The following SUZ12 variants were observed in gnomAD, a reference collection of about 807,000 sequenced individuals.
SUZ12 encodes SUZ12 polycomb repressive complex 2 subunit.
Under a neutral mutation model 87.3 loss-of-function variants are expected in SUZ12, and 17 were observed. That is an observed-to-expected ratio of 0.19 (90% confidence interval 0.13 to 0.29). The LOEUF is 0.29. Among genes scored for constraint, SUZ12 ranks in the 10% least tolerant of loss-of-function variants. The pLI, the probability that SUZ12 is intolerant of heterozygous loss-of-function variation, is 1.00. For synonymous variants in SUZ12, 253 were observed against 312.4 expected (o/e 0.81, Z 2.01); for missense variants, 526 against 912.2 (o/e 0.58, Z 5.45).
At chr17:31,979,126 G>C (rs199934668) in intron 8 of SUZ12, among the ~76,000 whole-genome samples, 1 of 107,096 alleles carries the variant, frequency 9.3e-6, no homozygotes, top group Non-Finnish European at 2.0e-5. Context: ...AAAAAAAAAA[G>C]AATTCAAAAC....
chr17:31,972,788 G>A lies in SUZ12; in HGVS notation c.506-358G>A, dbSNP rs577933177. Among the ~76,000 whole-genome samples, 1,087 of 149,952 alleles carry A rather than the reference G, an allele frequency of 7.2e-3. 10 individuals are homozygous for A. Among genetic ancestry groups the A allele is most frequent in the African/African-American group, 0.026 (1,037 of 40,546 alleles). On this transcript the variant is annotated intron_variant, in intron 5 of 15. Coordinates refer to ENST00000322652, the MANE Select transcript of SUZ12 (RefSeq NM_015355.4). ...AATCCCAGGTACTCAGGAGGCTGCC[G>A]TGCTGATGTGTGAGGATCACTTGAT...
intron 4 of SUZ12, among the ~76,000 whole-genome samples, chr17:31,958,369 A>G (rs907269700): frequency 2.0e-5 from 3 of 152,178 alleles, no homozygotes; most frequent in African/African-American, 4.8e-5. Context: ...TATTGTATTA[A>G]TGATTTTTCC....
intron 8 of SUZ12, 137 bp downstream of exon 8, chr17:31,976,751 A>G (rs1258799010): frequency 1.5e-6 from 1 of 660,660 alleles, no homozygotes; most frequent in Non-Finnish European, 2.5e-6. Flanking sequence ...ACAAATTTGC[A>G]AACACTGAAT....
chr17:31,979,754 T>A (rs1444999316), intron 8 of SUZ12, among the ~76,000 whole-genome samples: 2 of 152,210 alleles, frequency 1.3e-5, no homozygotes, highest in Non-Finnish European at 2.9e-5. Context: ...TTTTCCCTTT[T>A]ATATAAATCA....
intron 4 of SUZ12, chr17:31,964,041 T>A (rs1221768264): frequency 2.6e-5 from 4 of 152,434 alleles, no homozygotes; most frequent in Non-Finnish European, 4.4e-5. Context: ...TTTTTTGTTT[T>A]TTTGAGGCGG....
intron 8 of SUZ12, 132 bp from the exon 9 acceptor site, chr17:31,982,867 T>A (rs1226275556): frequency 5.5e-6 from 7 of 1,279,422 alleles, no homozygotes; most frequent in Middle Eastern, 2.7e-4. Flanking sequence ...GCTGTATTTT[T>A]AAAATCTTGT....
chr17:31,967,198 CAA>C (rs940342946), intron 5 of SUZ12: 27 of 84,228 alleles, frequency 3.2e-4, no homozygotes, highest in South Asian at 3.5e-4. Flanking sequence ...GACTCCATCT[CAA>C]AAAAAAAAAA....
At chr17:31,938,201 C>G (rs1402703509) in intron 1 of SUZ12, among the ~76,000 whole-genome samples, 6 of 152,142 alleles carry the variant, frequency 3.9e-5, no homozygotes, top group South Asian at 2.1e-4. Flanking sequence ...GTGAAACTGA[C>G]TTATTTGGAA....
chr17:31,954,517 A>G (rs1047643441), intron 4 of SUZ12, among the ~76,000 whole-genome samples: 18 of 152,154 alleles, frequency 1.2e-4, no homozygotes, highest in African/African-American at 3.9e-4. Context: ...TAGGCACTAT[A>G]CTAAGCCCTC....
chr17:31,969,609 CTATTT>C (rs1209456773), intron 5 of SUZ12, among the ~76,000 whole-genome samples: 3 of 152,074 alleles, frequency 2.0e-5, no homozygotes, highest in Non-Finnish European at 4.4e-5. Context: ...AATAACTATT[CTATTT>C]TAACTTTGAA....
At chr17:31,977,971 A>T (rs1488982482) in intron 8 of SUZ12, among the ~76,000 whole-genome samples, 1 of 152,230 alleles carries the variant, frequency 6.6e-6, no homozygotes, top group African/African-American at 2.4e-5. Context: ...ACACAGACTT[A>T]TTAAATATTT....
At chr17:31,962,512 G>T (rs1341070037) in intron 4 of SUZ12, among the ~76,000 whole-genome samples, 1 of 152,154 alleles carries the variant, frequency 6.6e-6, no homozygotes, top group African/African-American at 2.4e-5. Context: ...AATCGTTTGA[G>T]CCTGGAAATT....
chr17:31,989,507 A>T lies in SUZ12; in HGVS notation c.1201+1010A>T, dbSNP rs1276133772. 5.9e-5 allele frequency among the ~76,000 whole-genome samples: 9 copies of T among 152,374 alleles called. No individual in the cohort carries two copies. In the East Asian group the frequency reaches 1.5e-3, roughly 26 times the overall value. The stretch of plus-strand genomic sequence containing the variant: ...CACTAAACAAATTTGCCAGAAACTT[A>T]CAAGAAAACTATTGGTTTTCAGATT... On this transcript the variant is annotated intron_variant, in intron 10 of 15. Transcript: ENST00000322652.
At chr17:31,952,116 G>C (rs1907023117) in intron 4 of SUZ12, among the ~76,000 whole-genome samples, 1 of 152,096 alleles carries the variant, frequency 6.6e-6, no homozygotes, top group African/African-American at 2.4e-5. Context: ...TGCCCAGGCT[G>C]GAGCACAAGT....
chr17:31,943,122 C>T (rs559881924), intron 3 of SUZ12, among the ~76,000 whole-genome samples: 1 of 152,278 alleles, frequency 6.6e-6, no homozygotes, highest in Non-Finnish European at 1.5e-5. Flanking sequence ...GTTTGCATTG[C>T]AGTTAATAGG....
At chr17:31,941,131 CAG>C (rs1232226302) in intron 3 of SUZ12, among the ~76,000 whole-genome samples, 1 of 151,320 alleles carries the variant, frequency 6.6e-6, no homozygotes, top group African/African-American at 2.4e-5. Context: ...TTTTTTGAGA[CAG>C]AGTGTCTGTC....
At chr17:31,979,081 G>A (rs1210969854) in intron 8 of SUZ12, among the ~76,000 whole-genome samples, 3 of 140,898 alleles carry the variant, frequency 2.1e-5, no homozygotes, top group Non-Finnish European at 4.5e-5. Flanking sequence ...ACTCCAGCCT[G>A]GTGACAGCGA....
Position 31,975,531 on chromosome 17 carries a change from C to T in SUZ12, c.641C>T (p.Pro214Leu). The T allele has an allele frequency of 6.2e-7, 1 of 1,613,780 alleles. No individual in the cohort carries two copies. Among genetic ancestry groups the T allele is most frequent in the Non-Finnish European group, 8.5e-7 (1 of 1,179,792 alleles). ...GTTCCCACAGGTAAAAAGCAGGTGCCTTTGAATCCTGACCTCAATCAAACA... is the reference window on the plus strand; with the variant it reads ...GTTCCCACAGGTAAAAAGCAGGTGCTTTTGAATCCTGACCTCAATCAAACA... ...RQVPTGKKQV[P>L]LNPDLNQTKP... The change falls in exon 7 of 16, where the codon CCT becomes CTT. Residue 214 changes from proline to leucine, a missense_variant. Physicochemically the swap from Pro to Leu is moderately conservative, Grantham distance 98 (BLOSUM62 -3). Around this residue, in one of 9 missense-constraint regions of SUZ12, gnomAD observed 73 missense variants for 133.8 expected, o/e 0.55. Transcript: ENST00000322652.
In SUZ12 at chr17:31,998,995, A is replaced by C. The variant is rs1022382620; in HGVS notation, c.2212A>C (p.Lys738Gln). Residue 738 changes from lysine to glutamine, a missense_variant, in exon 16 of 16, where the codon AAA (lysine) becomes CAA (glutamine). Physicochemically the swap from Lys to Gln is moderately conservative, Grantham distance 53. Around this residue, in one of 9 missense-constraint regions of SUZ12, gnomAD observed 56 missense variants for 56.6 expected, o/e 0.99. Coordinates refer to ENST00000322652, the MANE Select transcript of SUZ12 (RefSeq NM_015355.4). ...GGTTTCAAAACAGAGCAAAAAACAA[A>C]AACTCTGAAAAGCTCTAACCCCATG... Reference protein sequence around the residue: ...SGVSKQSKKQKL With the variant: ...SGVSKQSKKQQL 1.3e-5 allele frequency: 20 copies of C among 1,543,154 alleles called. No individual in the cohort carries two copies. In the East Asian group the frequency reaches 1.6e-4, roughly 12 times the overall value.
Sources: gnomAD v4.1 joint callset for allele counts (sites outside exome capture counted in the v4.1 genomes callset) on GRCh38, gnomAD v4.1.1 for gene constraint, gnomAD v4.1.1 regional missense constraint, MANE v1.5 for transcripts, NCBI Gene and HGNC (gene_info 2026-07-23, HGNC 2026-07-21) for gene names.